Variants in SLC44A1 observed in about 807,000 individuals in gnomAD.
SLC44A1 encodes solute carrier family 44 member 1, also known as choline transporter-like protein 1.
In SLC44A1, 26 loss-of-function variants were observed where a neutral mutation model predicts 79.3. The observed-to-expected ratio is 0.33, with a 90% CI of 0.24 to 0.46. The LOEUF (loss-of-function observed/expected upper bound fraction) is 0.46, where lower values mean the gene tolerates loss of function less well. Among genes scored for constraint, SLC44A1 ranks in the 20% least tolerant of loss-of-function variants. SLC44A1 has a pLI of 1.00. For missense variants in SLC44A1, 688 were observed against 798.1 expected (o/e 0.86, Z 1.66); for synonymous variants, 263 against 286.2 (o/e 0.92, Z 0.82).
At chr9:105,362,070 G>T (rs571054249) in intron 8 of SLC44A1, among the ~76,000 whole-genome samples, 2 of 152,010 alleles carry the variant, frequency 1.3e-5, no homozygotes, top group Non-Finnish European at 2.9e-5. Context: ...GTGCGCGCGC[G>T]CGCGTGTGTG....
intron 1 of SLC44A1, among the ~76,000 whole-genome samples, chr9:105,260,333 AT>A (rs1341761917): frequency 6.6e-6 from 1 of 152,110 alleles, no homozygotes; most frequent in Non-Finnish European, 1.5e-5. Context: ...GTCCTTTAAA[AT>A]TTTTTTCACT....
chr9:105,262,033 G>T (rs959519846), intron 1 of SLC44A1, among the ~76,000 whole-genome samples: 2 of 151,896 alleles, frequency 1.3e-5, no homozygotes, highest in Non-Finnish European at 2.9e-5. Flanking sequence ...ATCCGCCTGC[G>T]TTGGCTTCCC....
rs1197374942 is a variant in SLC44A1, at chr9:105,389,717, T to C, written c.*661T>C. Reference sequence around the variant, plus strand: ...ATTTGTAGTTTACCCTAACGCTTCTTTAAAAGAAAGTAGGTAAAAAAAGAA... The same window carrying C: ...ATTTGTAGTTTACCCTAACGCTTCTCTAAAAGAAAGTAGGTAAAAAAAGAA... On this transcript the variant is annotated 3_prime_UTR_variant, in exon 16 of 16. Coordinates refer to ENST00000374720, the MANE Select transcript of SLC44A1 (RefSeq NM_080546.5). 1.6e-6 allele frequency: 2 copies of C among 1,277,488 alleles called. No homozygotes were observed. Among genetic ancestry groups the C allele is most frequent in the Non-Finnish European group, 2.0e-6 (2 of 1,009,746 alleles). 79.1% of individuals were successfully genotyped at this position (1,277,488 alleles called of 1,614,324 possible).
In SLC44A1 at chr9:105,391,653, A is replaced by G; in HGVS notation, c.*2597A>G. ...AAATGTGTTGAGGTTATGTTTGGAT[A>G]TTCCTGCTGCCTCTTTTCATTCATT... is the stretch of plus-strand genomic sequence containing the variant. On this transcript the variant is annotated 3_prime_UTR_variant, in exon 16 of 16. Coordinates refer to ENST00000374720, the MANE Select transcript of SLC44A1 (RefSeq NM_080546.5). The G allele has an allele frequency of 1.0e-6, 1 of 985,396 alleles. No homozygotes were observed. The highest frequency in any genetic ancestry group is 1.2e-6 in the Non-Finnish European group (1 of 829,922). The allele number at this position is 985,396 out of a possible 1,614,324, so 61.0% of individuals were successfully genotyped here. A position where few individuals can be genotyped will look rare whatever the true frequency, so the allele number is the denominator to read the frequency against.
At chr9:105,351,425 T>C (rs1231075477) in intron 5 of SLC44A1, among the ~76,000 whole-genome samples, 1 of 151,664 alleles carries the variant, frequency 6.6e-6, no homozygotes, top group Non-Finnish European at 1.5e-5. Flanking sequence ...TCCCAGCTAC[T>C]CAGAAGGCTG....
At chr9:105,421,773 G>T (rs937222318) in intron 15 of SLC44A1, among the ~76,000 whole-genome samples, 5 of 151,960 alleles carry the variant, frequency 3.3e-5, no homozygotes, top group Admixed American at 3.3e-4. Context: ...ATTTTTAGTA[G>T]AGGCGGGGTT....
At chr9:105,308,103 A>G (rs181405297) in intron 2 of SLC44A1, among the ~76,000 whole-genome samples, 100 of 152,360 alleles carry the variant, frequency 6.6e-4, no homozygotes, top group African/African-American at 2.4e-3. Context: ...TAACTTATAG[A>G]TGGCAAACTG....
chr9:105,306,991 A>G (rs1251714505), intron 2 of SLC44A1, among the ~76,000 whole-genome samples: 1 of 152,138 alleles, frequency 6.6e-6, no homozygotes, highest in African/African-American at 2.4e-5. Context: ...CCCCCTAGAA[A>G]TTTTTGTTCT....
chr9:105,326,021 G>C (rs1395759343), intron 3 of SLC44A1, among the ~76,000 whole-genome samples: 1 of 152,192 alleles, frequency 6.6e-6, no homozygotes, highest in Non-Finnish European at 1.5e-5. Context: ...TGATTTAGGA[G>C]TGTTCTTTCA....
At chr9:105,407,724 G>T (rs947015810) in intron 15 of SLC44A1, among the ~76,000 whole-genome samples, 1 of 151,734 alleles carries the variant, frequency 6.6e-6, no homozygotes, top group African/African-American at 2.4e-5. Flanking sequence ...ACAAAAATTA[G>T]CTGGGCGTGA....
rs1046338679 is a variant in SLC44A1 at position 105,383,186 on chromosome 9, A to G, written c.1696A>G (p.Thr566Ala). The change falls in exon 14 of 16, where the codon ACA (threonine) becomes GCA (alanine). Residue 566 changes from threonine (T) to alanine (A), a missense_variant. Physicochemically the swap from Thr to Ala is moderately conservative, Grantham distance 58. Coordinates refer to ENST00000374720, the MANE Select transcript of SLC44A1 (RefSeq NM_080546.5). ...IMLLNYQQDY[T>A]VWVLPLIIVC... ...GCTGCTCAACTACCAGCAGGACTAC[A>G]CAGTATGGGTGCTGCCTCTGATCAT... The G allele has an allele frequency of 6.2e-7, 1 of 1,614,138 alleles. No individual in the cohort carries two copies. Among genetic ancestry groups the G allele is most frequent in the African/African-American group, 1.3e-5 (1 of 75,018 alleles).
intron 15 of SLC44A1, among the ~76,000 whole-genome samples, chr9:105,430,216 A>C (rs1448158204): frequency 6.6e-6 from 1 of 152,162 alleles, no homozygotes; most frequent in Non-Finnish European, 1.5e-5. Flanking sequence ...TATGATGTGG[A>C]GCTCAATCAT....
At chr9:105,292,897 G>C (rs368490130) in intron 1 of SLC44A1, among the ~76,000 whole-genome samples, 1 of 152,210 alleles carries the variant, frequency 6.6e-6, no homozygotes, top group Non-Finnish European at 1.5e-5. Context: ...CTGAAGCTGG[G>C]TCTGGTGGCT....
chr9:105,295,355 C>G (rs571130574), intron 1 of SLC44A1, among the ~76,000 whole-genome samples: 16 of 152,214 alleles, frequency 1.1e-4, no homozygotes, highest in African/African-American at 3.6e-4. Context: ...AGGGGAGAGA[C>G]CTAACATTTA....
rs555393145 is a variant in SLC44A1 at position 105,369,524 on chromosome 9, TA to T, written c.1494+3096del. ...TTACCTTGCTGACTATGTTTCAACA[TA>T]CCAACTTTGAGAAGACACAAACATT... On this transcript the variant is annotated intron_variant, in intron 12 of 15. Coordinates refer to ENST00000374720, the MANE Select transcript of SLC44A1 (RefSeq NM_080546.5). Among the ~76,000 whole-genome samples the T allele has an allele frequency of 4.6e-5, 7 of 152,176 alleles. No homozygotes were observed. In the South Asian group the frequency reaches 1.0e-3, roughly 23 times the overall value.
chr9:105,383,166 T>C lies in SLC44A1; in HGVS notation c.1676T>C (p.Leu559Pro). Reference sequence around the variant, plus strand: ...ACAGGTTTAGCTGGGATTATGCTGCTCAACTACCAGCAGGACTACACAGTA... The same window carrying C: ...ACAGGTTTAGCTGGGATTATGCTGCCCAACTACCAGCAGGACTACACAGTA... ...CSTGLAGIML[L>P]NYQQDYTVWV... Residue 559 changes from leucine to proline, a missense_variant, in exon 14 of 16, where the codon CTC (leucine) becomes CCC (proline). Leu to Pro is a moderately conservative substitution (Grantham distance 98). Transcript: ENST00000374720. 1 of 1,614,198 alleles carries C rather than the reference T, an allele frequency of 6.2e-7. No individual in the cohort carries two copies. The highest frequency in any genetic ancestry group is 8.5e-7 in the Non-Finnish European group (1 of 1,180,000).
At chr9:105,317,007 A>AT (rs1199566412) in intron 3 of SLC44A1, among the ~76,000 whole-genome samples, 2 of 151,976 alleles carry the variant, frequency 1.3e-5, no homozygotes, top group African/African-American at 2.4e-5. Flanking sequence ...CAGGGCTGTG[A>AT]TTTTTTTCTT....
At chr9:105,336,134 A>ATGTGTGTGTGTGTGTGTGTGTGTGTG (rs35324360) in intron 4 of SLC44A1, among the ~76,000 whole-genome samples, 1 of 145,072 alleles carries the variant, frequency 6.9e-6, no homozygotes, top group African/African-American at 2.5e-5. Flanking sequence ...GTGTGTGTGC[A>ATGTGTGTGTGTGTGTGTGTGTGTGTG]TGTGTGTGTG....
In SLC44A1 at chr9:105,356,250, A is replaced by T; in HGVS notation, c.539A>T (p.Asn180Ile). The T allele has an allele frequency of 6.2e-7, 1 of 1,613,838 alleles. No individual in the cohort carries two copies. The highest frequency in any genetic ancestry group is 1.7e-5 in the Admixed American group (1 of 59,980). ...TTCTTCCATCGCTGTGCTCCTGTGAACATTTCCTGCTATGCCAAGTTTGCA... is the reference window on the plus strand; with the variant it reads ...TTCTTCCATCGCTGTGCTCCTGTGATCATTTCCTGCTATGCCAAGTTTGCA... The part of the protein sequence containing the change: ...IPFFHRCAPV[N>I]ISCYAKFAEA... The change falls in exon 6 of 16, where the codon AAC (asparagine) becomes ATC (isoleucine). Residue 180 changes from asparagine (N) to isoleucine (I), a missense_variant. Coordinates refer to ENST00000374720, the MANE Select transcript of SLC44A1 (RefSeq NM_080546.5).
Sources: gnomAD v4.1 joint callset for allele counts (sites outside exome capture counted in the v4.1 genomes callset) on GRCh38, gnomAD v4.1.1 for gene constraint, MANE v1.5 for transcripts, NCBI Gene and HGNC (gene_info 2026-07-23, HGNC 2026-07-21) for gene names.